The following CNBD1 variants were observed in gnomAD, a reference collection of about 807,000 sequenced individuals.
CNBD1 encodes the protein cyclic nucleotide binding domain containing 1.
CNBD1 carries 71 observed loss-of-function variants against 54.4 expected under a neutral mutation model. The ratio of observed to expected loss-of-function variants is 1.30; its 90% CI spans 1.08 to 1.59. CNBD1 has a LOEUF of 1.59. Among genes scored for constraint, CNBD1 ranks in the 40% most tolerant of loss-of-function variants. CNBD1 has a pLI of 0.00. For missense variants in CNBD1, 659 were observed against 518.0 expected, an observed-to-expected ratio of 1.27 and a Z score of -2.64; for synonymous variants, 182 against 170.7, an observed-to-expected ratio of 1.07 and a Z score of -0.51.
At chr8:87,273,437 T>C (rs1808409347) in intron 6 of CNBD1, among the ~76,000 whole-genome samples, 1 of 151,964 alleles carries the variant, frequency 6.6e-6, no homozygotes, top group South Asian at 2.1e-4. Flanking sequence ...CAGTCAATGC[T>C]GAAGGTTTTG....
intron 10 of CNBD1, among the ~76,000 whole-genome samples, chr8:87,375,026 A>G (rs1810896620): frequency 6.6e-6 from 1 of 150,990 alleles, no homozygotes. Flanking sequence ...GCTTTTTGTG[A>G]TTATTCTTTT....
intron 4 of CNBD1, among the ~76,000 whole-genome samples, chr8:87,087,121 C>CT (rs1197408143): frequency 6.9e-6 from 1 of 145,100 alleles, no homozygotes; most frequent in African/African-American, 2.5e-5. Context: ...GCAGTTAATT[C>CT]AACTTCCTGA....
intron 6 of CNBD1, among the ~76,000 whole-genome samples, chr8:87,255,488 A>G (rs1037756626): frequency 6.6e-6 from 1 of 152,164 alleles, no homozygotes; most frequent in Non-Finnish European, 1.5e-5. Context: ...ACAATTTAAC[A>G]TATACCTGCC....
chr8:87,041,962 G>A (rs947218040), intron 4 of CNBD1, among the ~76,000 whole-genome samples: 1 of 152,172 alleles, frequency 6.6e-6, no homozygotes, highest in Non-Finnish European at 1.5e-5. Context: ...ATCTAGGAGA[G>A]TGATGACGAA....
chr8:86,968,253 A>G (rs1808135066), intron 4 of CNBD1, among the ~76,000 whole-genome samples: 1 of 151,844 alleles, frequency 6.6e-6, no homozygotes, highest in Non-Finnish European at 1.5e-5. Flanking sequence ...GTTTTTTACC[A>G]CTCACCCGGT....
intron 4 of CNBD1, among the ~76,000 whole-genome samples, chr8:87,048,860 A>T (rs532070345): frequency 1.3e-5 from 2 of 152,298 alleles, no homozygotes. Context: ...AAGCATTAAC[A>T]AGCTGACCAT....
intron 1 of CNBD1, among the ~76,000 whole-genome samples, chr8:86,877,010 A>G (rs1274034618): frequency 6.6e-6 from 1 of 152,104 alleles, no homozygotes; most frequent in East Asian, 1.9e-4. Flanking sequence ...TTCTTGATTT[A>G]TCAACTTTAG....
intron 3 of CNBD1, among the ~76,000 whole-genome samples, chr8:86,928,289 T>G (rs757007828): frequency 6.6e-6 from 1 of 152,180 alleles, no homozygotes; most frequent in Non-Finnish European, 1.5e-5. Flanking sequence ...ACCCCCATTT[T>G]GTGAAGAGAA....
chr8:87,156,997 C>A (rs1445244406), intron 4 of CNBD1, among the ~76,000 whole-genome samples: 1 of 152,112 alleles, frequency 6.6e-6, no homozygotes, highest in Non-Finnish European at 1.5e-5. Flanking sequence ...ACTTCTAAGG[C>A]ACAGAGCTAA....
At chr8:87,428,313 C>T (rs546882920) in intron 2 of CNBD1, among the ~76,000 whole-genome samples, 1 of 152,022 alleles carries the variant, frequency 6.6e-6, no homozygotes, top group African/African-American at 2.4e-5. Flanking sequence ...TTTCCAAATT[C>T]TGAATATAAA....
In CNBD1 at chr8:87,133,696, T is replaced by TA. The variant is rs200198528; in HGVS notation, c.432-72284dup. On this transcript the variant is annotated intron_variant, in intron 4 of 10. Coordinates refer to ENST00000518476, the MANE Select transcript of CNBD1 (RefSeq NM_173538.3). ...GATTGTTATACAACCTCTTTTAAAG[T>TA]AAAAAAAAAAAAAGCATATTGCACA... 4.3e-3 allele frequency among the ~76,000 whole-genome samples: 609 copies of TA among 141,932 alleles called. 3 individuals carry two copies. The highest frequency in any genetic ancestry group is 0.023 in the South Asian group (102 of 4,468). 93.1% of individuals were successfully genotyped at this position (141,932 alleles called of 152,430 possible). A position where few individuals can be genotyped will look rare whatever the true frequency, so the allele number is the denominator to read the frequency against.
chr8:87,125,308 A>G (rs936298183), intron 4 of CNBD1, among the ~76,000 whole-genome samples: 7 of 151,794 alleles, frequency 4.6e-5, no homozygotes, highest in African/African-American at 1.7e-4. Context: ...GTATGGAAAC[A>G]CCACAAATAC....
intron 4 of CNBD1, among the ~76,000 whole-genome samples, chr8:86,978,282 T>A (rs1168048809): frequency 6.6e-6 from 1 of 152,158 alleles, no homozygotes; most frequent in East Asian, 1.9e-4. Context: ...GACTTTTATG[T>A]GTCAGTGTGG....
chr8:87,311,498 T>C (rs13282779), intron 8 of CNBD1, among the ~76,000 whole-genome samples: 57,793 of 151,836 alleles, frequency 0.38, 11,249 homozygotes, highest in Middle Eastern at 0.45. Context: ...CCACAGTTGG[T>C]GGGAATGTAA....
intron 5 of CNBD1, among the ~76,000 whole-genome samples, chr8:87,225,395 T>G (rs944147974): frequency 3.9e-5 from 6 of 152,134 alleles, no homozygotes; most frequent in African/African-American, 1.4e-4. Context: ...ATAGCTCTTA[T>G]TATTTTGAAA....
intron 4 of CNBD1, among the ~76,000 whole-genome samples, chr8:87,015,408 G>T (rs367756526): frequency 1.3e-5 from 2 of 151,892 alleles, no homozygotes; most frequent in African/African-American, 4.8e-5. Flanking sequence ...GATGGTCTCC[G>T]TCTCCTGACC....
Position 87,102,028 on chromosome 8 carries a change from A to G in CNBD1, c.432-103965A>G, listed in dbSNP as rs140759375. Among the ~76,000 whole-genome samples, 544 of 151,606 alleles carry G rather than the reference A, an allele frequency of 3.6e-3. 1 individual carries two copies. Among genetic ancestry groups the G allele is most frequent in the African/African-American group, 0.012 (515 of 41,308 alleles). On this transcript the variant is annotated intron_variant, in intron 4 of 10. Coordinates refer to ENST00000518476, the MANE Select transcript of CNBD1 (RefSeq NM_173538.3). ...CTCAGCCTCTTGAGTAGCTGGGATTATAGGCGCCCGCCACCATGTCTGGCT... is the reference window on the plus strand; with the variant it reads ...CTCAGCCTCTTGAGTAGCTGGGATTGTAGGCGCCCGCCACCATGTCTGGCT...
At chr8:87,274,040 G>C (rs927037235) in intron 6 of CNBD1, among the ~76,000 whole-genome samples, 1 of 151,150 alleles carries the variant, frequency 6.6e-6, no homozygotes, top group Admixed American at 6.7e-5. Context: ...TTGTTCTTGC[G>C]ATAGTTTACT....
chr8:87,334,765 C>T (rs559641189), intron 8 of CNBD1, among the ~76,000 whole-genome samples: 1 of 148,508 alleles, frequency 6.7e-6, no homozygotes, highest in Admixed American at 6.7e-5. Context: ...TGTTGCCAGG[C>T]CATAGTGCAG....
Sources: gnomAD v4.1 joint callset for allele counts (sites outside exome capture counted in the v4.1 genomes callset) on GRCh38, gnomAD v4.1.1 for gene constraint, MANE v1.5 for transcripts, NCBI Gene and HGNC (gene_info 2026-07-23, HGNC 2026-07-21) for gene names.